Variants in GTF2A1L observed in about 807,000 individuals in gnomAD.
GTF2A1L encodes the protein general transcription factor IIA subunit 1 like.
Under a neutral mutation model 49.7 loss-of-function variants are expected in GTF2A1L, and 48 were observed. The ratio of observed to expected loss-of-function variants is 0.97; its 90% CI spans 0.77 to 1.23. The LOEUF is 1.23. GTF2A1L is among the 50% of genes most tolerant of loss of function. GTF2A1L has a pLI of 0.00. For synonymous variants in GTF2A1L, 246 were observed against 193.5 expected, an observed-to-expected ratio of 1.27 and a Z score of -2.25; for missense variants, 736 against 564.8, an observed-to-expected ratio of 1.30 and a Z score of -3.07.
At chr2:48,660,054 T>A (rs1416982913) in intron 6 of GTF2A1L, among the ~76,000 whole-genome samples, 1 of 151,534 alleles carries the variant, frequency 6.6e-6, no homozygotes, top group Non-Finnish European at 1.5e-5. Flanking sequence ...TTTCCTTCTT[T>A]CTAATCTTAG....
At chr2:48,622,659 TAAAAAC>T (rs990356820) in intron 3 of GTF2A1L, among the ~76,000 whole-genome samples, 1 of 151,812 alleles carries the variant, frequency 6.6e-6, no homozygotes, top group African/African-American at 2.4e-5. Flanking sequence ...TGTCTCTACT[TAAAAAC>T]AAAAACAAAA....
intron 3 of GTF2A1L, among the ~76,000 whole-genome samples, chr2:48,640,057 G>C (rs926508614): frequency 6.6e-6 from 1 of 152,192 alleles, no homozygotes; most frequent in Non-Finnish European, 1.5e-5. Flanking sequence ...ACAGATACTG[G>C]TGAGGTTGCA....
chr2:48,639,263 A>G (rs1677073949), intron 3 of GTF2A1L, among the ~76,000 whole-genome samples: 1 of 152,184 alleles, frequency 6.6e-6, no homozygotes, highest in Admixed American at 6.5e-5. Context: ...AACAAAAAGG[A>G]CAAAGCTGGA....
intron 2 of GTF2A1L, 102 bp downstream of exon 2, chr2:48,621,054 C>T: frequency 6.7e-7 from 1 of 1,502,086 alleles, no homozygotes; most frequent in South Asian, 1.3e-5. Flanking sequence ...TAGTACTTAC[C>T]CATTCATTGT....
At position 48,618,007 on chromosome 2, in the gene GTF2A1L, C is replaced by T. The variant is rs1437587879; in HGVS notation, c.21+112C>T. The stretch of plus-strand genomic sequence containing the variant: ...CTGACACTTTACAGATTGTCATAAA[C>T]CCTCTCTCTTCCTTAGGGGCTGGGG... On this transcript the variant is annotated intron_variant, in intron 1 of 8. Coordinates refer to ENST00000403751, the MANE Select transcript of GTF2A1L (RefSeq NM_006872.5). 3 of 1,112,366 alleles carry T rather than the reference C, an allele frequency of 2.7e-6. No individual in the cohort carries two copies. In the East Asian group the frequency reaches 7.9e-5, roughly 29 times the overall value. 68.9% of individuals were successfully genotyped at this position (1,112,366 alleles called of 1,614,324 possible).
chr2:48,666,489 G>C (rs922047258), intron 6 of GTF2A1L, among the ~76,000 whole-genome samples: 1 of 151,852 alleles, frequency 6.6e-6, no homozygotes, highest in African/African-American at 2.4e-5. Context: ...CATATGGTTG[G>C]GTCTTGCTAA....
At chr2:48,674,303 T>C (rs1287731215) in intron 8 of GTF2A1L, among the ~76,000 whole-genome samples, 1 of 152,118 alleles carries the variant, frequency 6.6e-6, no homozygotes, top group Non-Finnish European at 1.5e-5. Flanking sequence ...TTCTAATGAG[T>C]GTGAAATGGT....
chr2:48,646,291 T>C, intron 5 of GTF2A1L, 162 bp from the exon 6 acceptor site: 3 of 520,066 alleles, frequency 5.8e-6, no homozygotes. Context: ...AATCCAAAAA[T>C]GTCTGAAGAA....
intron 6 of GTF2A1L, among the ~76,000 whole-genome samples, chr2:48,658,259 A>T (rs1003404089): frequency 6.6e-6 from 1 of 152,214 alleles, no homozygotes; most frequent in Non-Finnish European, 1.5e-5. Flanking sequence ...TCTTCAATCC[A>T]TCTTGAGTTA....
At chr2:48,657,652 A>G (rs557572457) in intron 6 of GTF2A1L, among the ~76,000 whole-genome samples, 8 of 151,884 alleles carry the variant, frequency 5.3e-5, no homozygotes, top group East Asian at 1.9e-4. Context: ...CGGTAGCTCT[A>G]TTTTCTTTGA....
intron 6 of GTF2A1L, among the ~76,000 whole-genome samples, chr2:48,648,840 T>C (rs12992138): frequency 0.18 from 26,626 of 152,082 alleles, 2,690 homozygotes; most frequent in South Asian, 0.25. Context: ...CAAGAGTATA[T>C]GTAAAATGCT....
intron 3 of GTF2A1L, among the ~76,000 whole-genome samples, chr2:48,629,115 C>T (rs1273456769): frequency 2.1e-5 from 3 of 142,950 alleles, no homozygotes; most frequent in Non-Finnish European, 3.1e-5. Context: ...GTGGTGCGTG[C>T]CTGTAATCCC....
In GTF2A1L at chr2:48,646,830, A is replaced by C; in HGVS notation, c.766A>C (p.Thr256Pro). The C allele has an allele frequency of 6.2e-7, 1 of 1,614,186 alleles. No individual in the cohort carries two copies. The highest frequency in any genetic ancestry group is 8.5e-7 in the Non-Finnish European group (1 of 1,180,008). The part of the protein sequence containing the change: ...GVVFSPQVSQ[T>P]NSNVESVLSG... ...TGTATTTTCTCCACAGGTCTCTCAA[A>C]CAAATTCTAATGTGGAGTCAGTGCT... Residue 256 changes from threonine (T) to proline (P), a missense_variant, in exon 6 of 9, where the codon ACA (threonine) becomes CCA (proline). Physicochemically the swap from Thr to Pro is conservative, Grantham distance 38. Transcript: ENST00000403751.
intron 6 of GTF2A1L, 142 bp from the exon 7 acceptor site, chr2:48,669,580 T>C: frequency 9.8e-7 from 1 of 1,015,806 alleles, no homozygotes; most frequent in Non-Finnish European, 1.4e-6. Context: ...TATTCTAAAA[T>C]TCAAAGTTAG....
chr2:48,638,559 T>C (rs529836340), intron 3 of GTF2A1L, among the ~76,000 whole-genome samples: 3 of 152,286 alleles, frequency 2.0e-5, no homozygotes, highest in South Asian at 4.1e-4. Context: ...AAACTAGGTA[T>C]TGAAGGAATA....
At position 48,646,555 on chromosome 2, in the gene GTF2A1L, A is replaced by G; in HGVS notation, c.491A>G (p.Gln164Arg). ...CAGCAAGTATTTCAACAGCTTGGCC[A>G]GCCTTCAGTAATACAAACTAGTGTT... is the stretch of plus-strand genomic sequence containing the variant. ...PIQQVFQQLG[Q>R]PSVIQTSVPQ... The change falls in exon 6 of 9, where the codon CAG becomes CGG. Residue 164 changes from glutamine to arginine, a missense_variant. Transcript: ENST00000403751. The G allele has an allele frequency of 4.3e-6, 7 of 1,614,196 alleles. No individual in the cohort carries two copies. The highest frequency in any genetic ancestry group is 5.9e-6 in the Non-Finnish European group (7 of 1,180,050).
chr2:48,669,884 C>G lies in GTF2A1L; in HGVS notation c.1141C>G (p.Leu381Val). ...TCTAGGGAATATTGACGGGGGAGAT[C>G]TGAAGGTACCTGAAGAAGAAGCTGA... is the stretch of plus-strand genomic sequence containing the variant. ...EFLGNIDGGD[L>V]KVPEEEADSI... Residue 381 changes from leucine (L) to valine (V), a missense_variant, in exon 7 of 9, where the codon CTG (leucine) becomes GTG (valine). Coordinates refer to ENST00000403751, the MANE Select transcript of GTF2A1L (RefSeq NM_006872.5). 1 of 1,613,972 alleles carries G rather than the reference C, an allele frequency of 6.2e-7. No homozygotes were observed.
intron 3 of GTF2A1L, among the ~76,000 whole-genome samples, chr2:48,635,929 C>T (rs904298868): frequency 2.6e-5 from 4 of 152,162 alleles, no homozygotes; most frequent in Admixed American, 2.6e-4. Context: ...AAAGTTCTCC[C>T]TCAGCCTGAG....
intron 6 of GTF2A1L, among the ~76,000 whole-genome samples, chr2:48,657,280 A>G (rs74416626): frequency 0.095 from 14,512 of 151,986 alleles, 984 homozygotes; most frequent in East Asian, 0.27. Context: ...GGAGTCCCCA[A>G]TGTCTATTAT....
Sources: allele counts gnomAD v4.1 joint callset (sites outside exome capture counted in the v4.1 genomes callset), GRCh38; gene constraint gnomAD v4.1.1; transcripts MANE v1.5; gene names NCBI Gene and HGNC (gene_info 2026-07-23, HGNC 2026-07-21).